Variants in DENND1B observed in about 807,000 individuals in gnomAD.
DENND1B encodes DENN domain containing 1B.
Under a neutral mutation model 90.1 loss-of-function variants are expected in DENND1B, and 59 were observed. The ratio of observed to expected loss-of-function variants is 0.65; its 90% CI spans 0.53 to 0.81. The LOEUF is 0.81. DENND1B is among the 40% of genes least tolerant of loss of function. The probability of loss-of-function intolerance (pLI) is 0.00; values close to 1 mark genes in which losing one functional copy is unlikely to be tolerated. For synonymous variants in DENND1B, 337 were observed against 324.6 expected, an observed-to-expected ratio of 1.04 and a Z score of -0.41; for missense variants, 862 against 912.6, an observed-to-expected ratio of 0.94 and a Z score of 0.71.
chr1:197,514,161 G>C (rs1311204531), intron 20 of DENND1B, among the ~76,000 whole-genome samples: 1 of 151,630 alleles, frequency 6.6e-6, no homozygotes, highest in African/African-American at 2.4e-5. Context: ...TTCATTAGGG[G>C]CTAAAGAATT....
At chr1:197,678,533 T>C (rs1656322909) in intron 3 of DENND1B, among the ~76,000 whole-genome samples, 1 of 152,180 alleles carries the variant, frequency 6.6e-6, no homozygotes, top group Admixed American at 6.6e-5. Flanking sequence ...AATTTATTTA[T>C]ACTTTACACA....
At chr1:197,606,982 T>C (rs1676740441) in intron 13 of DENND1B, 91 bp downstream of exon 13, 1 of 897,532 alleles carries the variant, frequency 1.1e-6, no homozygotes, top group Middle Eastern at 2.2e-4. Flanking sequence ...ACCCTTTTAT[T>C]TCAGATATTA....
chr1:197,645,113 T>G (rs1319054552), intron 9 of DENND1B, among the ~76,000 whole-genome samples: 1 of 152,244 alleles, frequency 6.6e-6, no homozygotes, highest in Non-Finnish European at 1.5e-5. Flanking sequence ...ATGGCTAGAA[T>G]TAGGACTCTA....
At chr1:197,754,585 G>A (rs1373187399) in intron 2 of DENND1B, among the ~76,000 whole-genome samples, 8 of 135,668 alleles carry the variant, frequency 5.9e-5, no homozygotes, top group Non-Finnish European at 4.6e-5. Flanking sequence ...TTGAACCCAG[G>A]AGGCAAAGGC....
intron 11 of DENND1B, among the ~76,000 whole-genome samples, chr1:197,615,544 G>A: frequency 6.6e-6 from 1 of 150,856 alleles, no homozygotes; most frequent in East Asian, 2.0e-4. Flanking sequence ...TTCATAAAAA[G>A]TATTTAATCA....
intron 20 of DENND1B, among the ~76,000 whole-genome samples, chr1:197,526,447 AC>A (rs1348576745): frequency 6.6e-6 from 1 of 152,166 alleles, no homozygotes; most frequent in Non-Finnish European, 1.5e-5. Flanking sequence ...GGGAAAAAAA[AC>A]AAAGTCAAAT....
At chr1:197,733,068 A>G (rs920731772) in intron 2 of DENND1B, among the ~76,000 whole-genome samples, 3 of 152,144 alleles carry the variant, frequency 2.0e-5, no homozygotes, top group South Asian at 2.1e-4. Flanking sequence ...GAAATTGGGG[A>G]AAAAAACAAT....
intron 20 of DENND1B, among the ~76,000 whole-genome samples, chr1:197,526,818 A>C (rs1041118925): frequency 4.6e-5 from 7 of 152,186 alleles, no homozygotes; most frequent in African/African-American, 1.7e-4. Flanking sequence ...ATTTGATAGA[A>C]TTATGTTCTT....
chr1:197,776,680 A>G (rs1342008669), upstream of DENND1B, among the ~76,000 whole-genome samples: 4 of 152,222 alleles, frequency 2.6e-5, no homozygotes, highest in African/African-American at 9.7e-5. Flanking sequence ...AGAGTCAGAG[A>G]ACCTGAAGTT....
intron 13 of DENND1B, among the ~76,000 whole-genome samples, chr1:197,603,354 G>A (rs1676377184): frequency 6.6e-6 from 1 of 150,998 alleles, no homozygotes. Flanking sequence ...CTACTGTTTC[G>A]GGCACAGGCC....
intron 14 of DENND1B, among the ~76,000 whole-genome samples, chr1:197,584,413 C>T (rs1674510510): frequency 6.6e-6 from 1 of 152,142 alleles, no homozygotes; most frequent in Admixed American, 6.5e-5. Context: ...CTCAGTCATA[C>T]TAGCCACATT....
intron 3 of DENND1B, among the ~76,000 whole-genome samples, chr1:197,698,010 C>A (rs1281522797): frequency 1.3e-5 from 2 of 151,940 alleles, no homozygotes; most frequent in African/African-American, 4.8e-5. Flanking sequence ...GACAGATCAA[C>A]AAGACAGAAA....
chr1:197,562,916 G>T (rs773345011), intron 15 of DENND1B, among the ~76,000 whole-genome samples: 53 of 151,878 alleles, frequency 3.5e-4, no homozygotes, highest in Non-Finnish European at 6.0e-4. Context: ...ACGTTTGAGT[G>T]GTCTAGATAG....
chr1:197,644,922 C>G (rs559964459), intron 9 of DENND1B, among the ~76,000 whole-genome samples: 44 of 152,118 alleles, frequency 2.9e-4, no homozygotes, highest in African/African-American at 8.2e-4. Flanking sequence ...TTGAGTTATT[C>G]CTACTGATTC....
At chr1:197,616,223 A>G (rs1171107263) in intron 11 of DENND1B, among the ~76,000 whole-genome samples, 1 of 150,998 alleles carries the variant, frequency 6.6e-6, no homozygotes, top group Non-Finnish European at 1.5e-5. Context: ...GCTGTAAAAT[A>G]TATTTTTAAA....
At position 197,507,744 on chromosome 1, in the gene DENND1B, T is replaced by C. The variant is rs1056998651; in HGVS notation, c.*2716A>G. The C allele has an allele frequency of 6.6e-6, 1 of 151,608 alleles. No individual in the cohort carries two copies. Among genetic ancestry groups the C allele is most frequent in the African/African-American group, 2.4e-5 (1 of 41,374 alleles). The allele number at this position is 151,608 out of a possible 1,614,324, so 9.4% of individuals were successfully genotyped here. On this transcript the variant is annotated 3_prime_UTR_variant, in exon 23 of 23. Coordinates refer to ENST00000620048, the MANE Select transcript of DENND1B (RefSeq NM_001195215.2). Reference sequence around the variant, plus strand: ...GCACTGTAGAATATAACACTTTCCTTTATTTCGGAACTCACCCAGTTTAAT... The same window carrying C: ...GCACTGTAGAATATAACACTTTCCTCTATTTCGGAACTCACCCAGTTTAAT...
intron 19 of DENND1B, among the ~76,000 whole-genome samples, chr1:197,540,392 A>T (rs1380168291): frequency 6.6e-6 from 1 of 152,012 alleles, no homozygotes; most frequent in Non-Finnish European, 1.5e-5. Flanking sequence ...TGGAAGATTT[A>T]AGTAGTATGT....
intron 18 of DENND1B, among the ~76,000 whole-genome samples, chr1:197,544,850 GA>G: frequency 6.7e-6 from 1 of 148,264 alleles, no homozygotes. Flanking sequence ...GGAAGAAGAG[GA>G]AGAAGAGGAA....
At chr1:197,690,482 T>C in intron 3 of DENND1B, 1 of 169,410 alleles carries the variant, frequency 5.9e-6, no homozygotes, top group South Asian at 1.3e-4. Context: ...GCTGGAGTGT[T>C]GAGAGCTTCT....
Sources: allele counts gnomAD v4.1 joint callset (sites outside exome capture counted in the v4.1 genomes callset), GRCh38; gene constraint gnomAD v4.1.1; transcripts MANE v1.5; gene names NCBI Gene and HGNC (gene_info 2026-07-23, HGNC 2026-07-21).